The following DGKB variants were observed in gnomAD, a reference collection of about 807,000 sequenced individuals.
DGKB encodes the protein diacylglycerol kinase beta.
A neutral mutation model predicts 114.3 loss-of-function variants in DGKB; 67 were observed. The observed-to-expected ratio is 0.59, with a 90% CI of 0.48 to 0.72. The LOEUF (loss-of-function observed/expected upper bound fraction) is 0.72. Ranked by LOEUF, DGKB falls within the 30% of genes least tolerant of loss-of-function variation. The pLI, the probability that DGKB is intolerant of heterozygous loss-of-function variation, is 0.00. For synonymous variants in DGKB, 398 were observed against 323.1 expected (o/e 1.23, Z -2.49); for missense variants, 907 against 975.2 (o/e 0.93, Z 0.93).
chr7:14,955,315 C>T (rs1311284525), intron 1 of DGKB, among the ~76,000 whole-genome samples: 2 of 151,928 alleles, frequency 1.3e-5, no homozygotes, highest in Admixed American at 6.6e-5. Context: ...AAAATTAGTG[C>T]TTCTTAATTT....
At chr7:14,432,850 CTT>C (rs745720954) in intron 21 of DGKB, among the ~76,000 whole-genome samples, 4 of 152,012 alleles carry the variant, frequency 2.6e-5, no homozygotes, top group Non-Finnish European at 4.4e-5. Flanking sequence ...GCTCCAGAAC[CTT>C]TTTATTTTAA....
At chr7:14,510,486 T>C (rs1787826152) in intron 20 of DGKB, among the ~76,000 whole-genome samples, 1 of 152,170 alleles carries the variant, frequency 6.6e-6, no homozygotes, top group Non-Finnish European at 1.5e-5. Flanking sequence ...CAGTCACATC[T>C]TCAGGCTCCA....
At chr7:14,480,272 C>T (rs935836627) in intron 20 of DGKB, among the ~76,000 whole-genome samples, 18 of 152,036 alleles carry the variant, frequency 1.2e-4, no homozygotes, top group Non-Finnish European at 2.2e-4. Context: ...CTTCAAGATA[C>T]TTGGGCAATG....
In DGKB at chr7:14,178,048, G is replaced by A. The variant is rs6966154; in HGVS notation, c.2226C>T (p.Cys742=). The A allele has an allele frequency of 0.2, 313,672 of 1,598,942 alleles. 35,533 individuals carry two copies. The highest frequency in any genetic ancestry group is 0.5 in the African/African-American group (37,139 of 74,160). ...LKSAGRRLAQ[C]SCVVIRTSKS... The stretch of plus-strand genomic sequence containing the variant: ...GGAACTACCTGATGACCACGCAGGA[G>A]CACTGAGCCAGCCGCCGGCCAGCAC... The change falls in exon 24 of 26, where the codon TGC becomes TGT. Residue 742 remains cysteine (C), a synonymous_variant. Coordinates refer to ENST00000402815, the MANE Select transcript of DGKB (RefSeq NM_001350709.2).
chr7:14,262,628 G>C (rs140884013), intron 23 of DGKB, among the ~76,000 whole-genome samples: 2 of 152,236 alleles, frequency 1.3e-5, no homozygotes, highest in African/African-American at 4.8e-5. Flanking sequence ...TGTAGTTACT[G>C]TTCCTAGAAG....
intron 20 of DGKB, among the ~76,000 whole-genome samples, chr7:14,523,712 A>G (rs967851577): frequency 3.9e-5 from 6 of 152,170 alleles, no homozygotes; most frequent in African/African-American, 1.4e-4. Context: ...TCTGTAAACA[A>G]TAATGAGGTA....
intron 5 of DGKB, among the ~76,000 whole-genome samples, chr7:14,726,388 C>T (rs185238395): frequency 2.1e-3 from 313 of 152,264 alleles, no homozygotes; most frequent in Middle Eastern, 6.8e-3. Flanking sequence ...GATCCATGGC[C>T]TCCCAAAGTG....
At chr7:14,352,749 C>G (rs575579766) in intron 21 of DGKB, among the ~76,000 whole-genome samples, 2 of 151,964 alleles carry the variant, frequency 1.3e-5, no homozygotes, top group Non-Finnish European at 1.5e-5. Flanking sequence ...ATGGTGAAAC[C>G]CTGTCTCTAC....
intron 13 of DGKB, among the ~76,000 whole-genome samples, chr7:14,671,982 T>C (rs1336748013): frequency 1.3e-5 from 2 of 152,104 alleles, no homozygotes; most frequent in African/African-American, 2.4e-5. Flanking sequence ...CTCAGCAATA[T>C]GGAGGTATTT....
chr7:14,642,708 T>A (rs1812049077), intron 13 of DGKB, among the ~76,000 whole-genome samples: 1 of 152,234 alleles, frequency 6.6e-6, no homozygotes, highest in South Asian at 2.1e-4. Flanking sequence ...TATTGTGAAA[T>A]AAATTTGAGT....
At chr7:14,480,662 G>A (rs762034815) in intron 20 of DGKB, among the ~76,000 whole-genome samples, 3 of 152,036 alleles carry the variant, frequency 2.0e-5, no homozygotes, top group Admixed American at 6.6e-5. Flanking sequence ...AAATAAATCA[G>A]CATTACTTCC....
chr7:14,869,340 A>T (rs1282298691), intron 1 of DGKB, among the ~76,000 whole-genome samples: 1 of 152,156 alleles, frequency 6.6e-6, no homozygotes, highest in East Asian at 1.9e-4. Context: ...AGGATTATAC[A>T]CTTAAGGTTT....
At chr7:14,772,839 G>A (rs1181686748) in intron 2 of DGKB, among the ~76,000 whole-genome samples, 1 of 152,094 alleles carries the variant, frequency 6.6e-6, no homozygotes, top group Non-Finnish European at 1.5e-5. Flanking sequence ...CCAGACCTCA[G>A]GCATTTACTT....
chr7:14,654,575 A>C (rs1174701003), intron 13 of DGKB, among the ~76,000 whole-genome samples: 1 of 152,060 alleles, frequency 6.6e-6, no homozygotes, highest in Non-Finnish European at 1.5e-5. Context: ...AAATACAAGT[A>C]GTCAAAGTAA....
chr7:14,539,918 A>G (rs1793141105), intron 20 of DGKB, among the ~76,000 whole-genome samples: 1 of 152,112 alleles, frequency 6.6e-6, no homozygotes, highest in Non-Finnish European at 1.5e-5. Context: ...CTCTATAATA[A>G]TTTGAAAAAT....
At chr7:14,350,924 C>T (rs966746413) in intron 21 of DGKB, among the ~76,000 whole-genome samples, 11 of 152,054 alleles carry the variant, frequency 7.2e-5, no homozygotes, top group African/African-American at 2.7e-4. Context: ...TAGTTGTTTT[C>T]ACTTTTGTCC....
chr7:14,443,887 T>C (rs73280344), intron 21 of DGKB, among the ~76,000 whole-genome samples: 5 of 151,922 alleles, frequency 3.3e-5, no homozygotes, highest in Non-Finnish European at 7.4e-5. Context: ...CTCTCTCACC[T>C]TCTATTTATC....
intron 2 of DGKB, among the ~76,000 whole-genome samples, chr7:14,830,150 TA>T (rs5882466): frequency 1.3e-5 from 2 of 151,792 alleles, no homozygotes; most frequent in Non-Finnish European, 2.9e-5. Flanking sequence ...CAGTACTTTT[TA>T]AAAAAAATTG....
chr7:14,419,466 T>A (rs1477048570), intron 21 of DGKB, among the ~76,000 whole-genome samples: 1 of 151,936 alleles, frequency 6.6e-6, no homozygotes, highest in African/African-American at 2.4e-5. Flanking sequence ...GGGCTTTTAG[T>A]TACAATTAAG....
Sources: allele counts gnomAD v4.1 joint callset (sites outside exome capture counted in the v4.1 genomes callset), GRCh38; gene constraint gnomAD v4.1.1; transcripts MANE v1.5; gene names NCBI Gene and HGNC (gene_info 2026-07-23, HGNC 2026-07-21).